The following NCK1 variants were observed in gnomAD, a reference collection of about 807,000 sequenced individuals.
NCK1 encodes SH2/SH3 adapter protein NCK1.
A neutral mutation model predicts 36.6 loss-of-function variants in NCK1; 19 were observed. The ratio of observed to expected loss-of-function variants is 0.52; its 90% CI spans 0.36 to 0.76. NCK1 has a LOEUF of 0.76. NCK1 is among the 30% of genes least tolerant of loss of function. The pLI is 0.00. For synonymous variants in NCK1, 165 were observed against 156.0 expected, an observed-to-expected ratio of 1.06 and a Z score of -0.43; for missense variants, 358 against 445.6, an observed-to-expected ratio of 0.80 and a Z score of 1.77.
At chr3:136,887,515 A>G (rs1188005733) in intron 1 of NCK1, among the ~76,000 whole-genome samples, 1 of 152,136 alleles carries the variant, frequency 6.6e-6, no homozygotes, top group Non-Finnish European at 1.5e-5. Context: ...TAAAGTTTAT[A>G]TTTTCCTGTG....
chr3:136,938,430 T>G (rs1174617137), intron 2 of NCK1, among the ~76,000 whole-genome samples: 1 of 152,208 alleles, frequency 6.6e-6, no homozygotes, highest in Admixed American at 6.5e-5. Context: ...GTGAGTCATC[T>G]GATGTGCACA....
intron 1 of NCK1, among the ~76,000 whole-genome samples, chr3:136,885,875 A>G (rs1162070874): frequency 1.3e-5 from 2 of 152,202 alleles, no homozygotes; most frequent in African/African-American, 2.4e-5. Context: ...AGAATGTTAT[A>G]AAGTTGGAAT....
Position 136,922,968 on chromosome 3 carries a change from T to C in NCK1, c.-18-5016T>C, listed in dbSNP as rs544293782. Among the ~76,000 whole-genome samples the C allele has an allele frequency of 5.9e-5, 9 of 152,312 alleles. No individual in the cohort carries two copies. In the South Asian group the frequency reaches 1.7e-3, roughly 28 times the overall value. On this transcript the variant is annotated intron_variant, in intron 1 of 3. Coordinates refer to ENST00000481752, the MANE Select transcript of NCK1 (RefSeq NM_001291999.2). ...GAAGAAAGTGCTACTTACATAATGA[T>C]GACGCACTCTGCAATTGTTAGAAGT...
intron 1 of NCK1, among the ~76,000 whole-genome samples, chr3:136,926,081 A>T (rs567990841): frequency 6.6e-6 from 1 of 152,274 alleles, no homozygotes; most frequent in Non-Finnish European, 1.5e-5. Flanking sequence ...ATAGCTAATG[A>T]TGAATACCTT....
At position 136,945,859 on chromosome 3, in the gene NCK1, T is replaced by A; in HGVS notation, c.503T>A (p.Leu168Ter). 1.2e-6 allele frequency: 2 copies of A among 1,614,188 alleles called. No individual in the cohort carries two copies. Among genetic ancestry groups the A allele is most frequent in the Non-Finnish European group, 1.7e-6 (2 of 1,180,030 alleles). ...NYVTEEGDSP[L>*]GDHVGSLSEK... ...GTAACTGAAGAAGGTGACAGTCCTTTGGGTGACCATGTGGGTTCTCTGTCA... is the reference window on the plus strand; with the variant it reads ...GTAACTGAAGAAGGTGACAGTCCTTAGGGTGACCATGTGGGTTCTCTGTCA... The change falls in exon 3 of 4, where the codon TTG (leucine) becomes TAG (stop). Residue 168 changes from leucine to a stop codon, truncating the protein, a stop_gained. Transcript: ENST00000481752. LOFTEE classifies it high-confidence loss of function.
intron 2 of NCK1, among the ~76,000 whole-genome samples, chr3:136,941,682 TA>T (rs1197694501): frequency 2.7e-5 from 4 of 145,984 alleles, no homozygotes; most frequent in Non-Finnish European, 6.0e-5. Context: ...ATTTGTATTT[TA>T]AATTGTGTAG....
At chr3:136,883,925 G>C (rs1939009390) in intron 1 of NCK1, among the ~76,000 whole-genome samples, 1 of 152,160 alleles carries the variant, frequency 6.6e-6, no homozygotes, top group Non-Finnish European at 1.5e-5. Flanking sequence ...TTAATAGATT[G>C]GTAAAGAGGA....
intron 1 of NCK1, among the ~76,000 whole-genome samples, chr3:136,878,834 AC>A (rs1938849209): frequency 6.6e-6 from 1 of 152,136 alleles, no homozygotes; most frequent in Non-Finnish European, 1.5e-5. Flanking sequence ...GGCCCTAGAC[AC>A]AATTGGAGGT....
chr3:136,928,267 T>C, intron 2 of NCK1, 40 bp downstream of exon 2: 1 of 1,526,654 alleles, frequency 6.6e-7, no homozygotes, highest in Non-Finnish European at 8.9e-7. Context: ...TTGTTTTAAA[T>C]GAAACCTGCA....
At chr3:136,912,162 C>CTTTTTTTTTTTTTTT (rs57596314) in intron 1 of NCK1, among the ~76,000 whole-genome samples, 3 of 128,158 alleles carry the variant, frequency 2.3e-5, no homozygotes, top group Non-Finnish European at 4.8e-5. Context: ...ATTATTTTTT[C>CTTTTTTTTTTTTTTT]TTTTTTTTTT....
chr3:136,893,178 GTATATA>G (rs374545343), intron 1 of NCK1, among the ~76,000 whole-genome samples: 1 of 34,646 alleles, frequency 2.9e-5, no homozygotes, highest in African/African-American at 9.9e-5. Flanking sequence ...GTGTGTGTGT[GTATATA>G]TATATATACA....
intron 1 of NCK1, among the ~76,000 whole-genome samples, chr3:136,878,034 A>G (rs973581493): frequency 1.3e-5 from 2 of 152,238 alleles, no homozygotes; most frequent in African/African-American, 4.8e-5. Flanking sequence ...GAACCTTGAA[A>G]GCATTATGCT....
At chr3:136,862,860 C>T (rs1399287982) in intron 1 of NCK1, among the ~76,000 whole-genome samples, 2 of 130,898 alleles carry the variant, frequency 1.5e-5, no homozygotes. Context: ...GCCCTCTCCC[C>T]TCCCCCCACC....
intron 1 of NCK1, among the ~76,000 whole-genome samples, chr3:136,878,970 T>C (rs998943375): frequency 1.3e-5 from 2 of 152,184 alleles, no homozygotes; most frequent in Non-Finnish European, 2.9e-5. Flanking sequence ...ATGGTTCTCT[T>C]ACTAACCCAA....
At chr3:136,925,041 G>T (rs1396493125) in intron 1 of NCK1, among the ~76,000 whole-genome samples, 1 of 152,060 alleles carries the variant, frequency 6.6e-6, no homozygotes, top group African/African-American at 2.4e-5. Flanking sequence ...GATAAAATTG[G>T]GTGATAGGTA....
At chr3:136,909,418 T>G (rs1055247986) in intron 1 of NCK1, among the ~76,000 whole-genome samples, 1 of 152,186 alleles carries the variant, frequency 6.6e-6, no homozygotes, top group African/African-American at 2.4e-5. Context: ...GTGTATGATA[T>G]TCTGTTGAGG....
intron 2 of NCK1, among the ~76,000 whole-genome samples, chr3:136,944,646 A>G (rs545851602): frequency 2.0e-5 from 3 of 152,216 alleles, no homozygotes; most frequent in African/African-American, 7.2e-5. Context: ...CAGGAAAGAT[A>G]GTATTAAGAT....
intron 1 of NCK1, among the ~76,000 whole-genome samples, chr3:136,863,160 G>A (rs1412700313): frequency 3.3e-5 from 5 of 152,190 alleles, no homozygotes; most frequent in African/African-American, 1.2e-4. Context: ...AATTATGCAC[G>A]TTAGATTAGG....
chr3:136,889,486 A>T (rs1359973978), intron 1 of NCK1, among the ~76,000 whole-genome samples: 2 of 152,098 alleles, frequency 1.3e-5, no homozygotes, highest in Non-Finnish European at 2.9e-5. Context: ...AAGCAGTAGC[A>T]AGATTTATTG....
Sources: gnomAD v4.1 joint callset for allele counts (sites outside exome capture counted in the v4.1 genomes callset) on GRCh38, gnomAD v4.1.1 for gene constraint, MANE v1.5 for transcripts, NCBI Gene and HGNC (gene_info 2026-07-23, HGNC 2026-07-21) for gene names.